Variants in ZMAT4 observed in about 807,000 individuals in gnomAD.
ZMAT4 encodes zinc finger matrin-type 4.
In ZMAT4, 17 loss-of-function variants were observed where a neutral mutation model predicts 28.7. That is an observed-to-expected ratio of 0.59 (90% CI 0.41 to 0.89). ZMAT4 has a LOEUF of 0.89. ZMAT4 is among the 40% of genes least tolerant of loss of function. The pLI is 0.00. For synonymous variants in ZMAT4, 117 were observed against 109.2 expected, an observed-to-expected ratio of 1.07 and a Z score of -0.44; for missense variants, 240 against 283.8, an observed-to-expected ratio of 0.85 and a Z score of 1.11.
intron 5 of ZMAT4, among the ~76,000 whole-genome samples, chr8:40,587,123 A>T (rs920963855): frequency 6.6e-6 from 1 of 152,032 alleles, no homozygotes; most frequent in African/African-American, 2.4e-5. Context: ...AGAAAAAAAA[A>T]AAAGGAAAAA....
chr8:40,837,635 C>T (rs1816544219), intron 1 of ZMAT4, among the ~76,000 whole-genome samples: 1 of 152,226 alleles, frequency 6.6e-6, no homozygotes, highest in African/African-American at 2.4e-5. Context: ...AATCTCTTGT[C>T]TCTCCAGCTC....
At chr8:40,833,124 C>T (rs1414863475) in intron 1 of ZMAT4, among the ~76,000 whole-genome samples, 2 of 152,192 alleles carry the variant, frequency 1.3e-5, no homozygotes, top group Non-Finnish European at 2.9e-5. Context: ...CCTGCCAGTG[C>T]AGGAGCCTCA....
chr8:40,646,588 G>T (rs561407498), intron 5 of ZMAT4, among the ~76,000 whole-genome samples: 1 of 151,970 alleles, frequency 6.6e-6, no homozygotes, highest in Admixed American at 6.6e-5. Flanking sequence ...ATTTATTGTT[G>T]TCAATTTAAT....
At chr8:40,650,795 C>A (rs1807604059) in intron 5 of ZMAT4, among the ~76,000 whole-genome samples, 1 of 149,824 alleles carries the variant, frequency 6.7e-6, no homozygotes, top group Non-Finnish European at 1.5e-5. Flanking sequence ...TAAATGTAAT[C>A]CAGCATATAA....
chr8:40,597,341 C>A (rs941672113), intron 5 of ZMAT4, among the ~76,000 whole-genome samples: 1 of 152,132 alleles, frequency 6.6e-6, no homozygotes, highest in African/African-American at 2.4e-5. Context: ...TGACAATTGT[C>A]TAGTGGAGGT....
intron 1 of ZMAT4, among the ~76,000 whole-genome samples, chr8:40,853,292 C>T (rs1817178821): frequency 6.6e-6 from 1 of 152,166 alleles, no homozygotes; most frequent in Non-Finnish European, 1.5e-5. Flanking sequence ...CGCAGTGGCT[C>T]ACGCCTGTAA....
intron 2 of ZMAT4, among the ~76,000 whole-genome samples, chr8:40,823,544 AG>A (rs1815907907): frequency 6.6e-6 from 1 of 152,172 alleles, no homozygotes; most frequent in Non-Finnish European, 1.5e-5. Flanking sequence ...CTGTAGTCCC[AG>A]CTACTGGGGA....
In ZMAT4 at chr8:40,825,709, T is replaced by C. The variant is rs191275058; in HGVS notation, c.-4-29A>G. 2.6e-6 allele frequency: 4 copies of C among 1,509,994 alleles called. No individual in the cohort carries two copies. In the African/African-American group the frequency reaches 5.5e-5, roughly 21 times the overall value. 93.5% of individuals were successfully genotyped at this position (1,509,994 alleles called of 1,614,324 possible). A position where few individuals can be genotyped will look rare whatever the true frequency, so the allele number is the denominator to read the frequency against. On this transcript the variant is annotated intron_variant, in intron 1 of 6. Transcript: ENST00000297737. ...CAAGAGAATCAACAGAAAAGAAAAA[T>C]GAGTCCACTGCTTTGATGTTTATGC...
At chr8:40,789,168 G>C (rs1447575105) in intron 2 of ZMAT4, among the ~76,000 whole-genome samples, 1 of 152,104 alleles carries the variant, frequency 6.6e-6, no homozygotes, top group African/African-American at 2.4e-5. Context: ...AAAAAAAAGG[G>C]TGTGAGAAAC....
intron 5 of ZMAT4, among the ~76,000 whole-genome samples, chr8:40,593,881 G>A (rs4737151): frequency 0.16 from 24,360 of 152,066 alleles, 2,858 homozygotes; most frequent in East Asian, 0.57. Context: ...CCTGCTTGGA[G>A]ACACATCGCT....
At chr8:40,885,813 C>A (rs974601152) in intron 1 of ZMAT4, among the ~76,000 whole-genome samples, 2 of 152,214 alleles carry the variant, frequency 1.3e-5, no homozygotes, top group African/African-American at 4.8e-5. Flanking sequence ...TCCCTCGCTG[C>A]CTTCAGGTCT....
rs374349478 is a variant in ZMAT4 at position 40,896,894 on chromosome 8, C to T, written c.-5+789G>A. On this transcript the variant is annotated intron_variant, in intron 1 of 6. Coordinates refer to ENST00000297737, the MANE Select transcript of ZMAT4 (RefSeq NM_024645.3). Reference sequence around the variant, plus strand: ...CCAGAGCTGCGGGGATGCTCCGGGCCAGGCACCCCTTCTGGGGACAAGGGT... The same window carrying T: ...CCAGAGCTGCGGGGATGCTCCGGGCTAGGCACCCCTTCTGGGGACAAGGGT... Among the ~76,000 whole-genome samples the T allele has an allele frequency of 4.4e-4, 67 of 152,288 alleles. No homozygotes were observed. The East Asian group carries it at 0.012, about 26-fold the overall frequency.
chr8:40,570,486 A>T (rs1804060060), intron 6 of ZMAT4, among the ~76,000 whole-genome samples: 1 of 152,090 alleles, frequency 6.6e-6, no homozygotes, highest in Non-Finnish European at 1.5e-5. Context: ...ATTGCTTGAG[A>T]CAAGGAGTTT....
At chr8:40,674,629 A>C in intron 5 of ZMAT4, 75 bp downstream of exon 5, 1 of 1,206,118 alleles carries the variant, frequency 8.3e-7, no homozygotes, top group Non-Finnish European at 1.2e-6. Context: ...AAGAAGAATC[A>C]TTCCGATTTG....
intron 6 of ZMAT4, among the ~76,000 whole-genome samples, chr8:40,546,509 T>A (rs1208360110): frequency 6.6e-6 from 1 of 152,214 alleles, no homozygotes; most frequent in Admixed American, 6.5e-5. Flanking sequence ...ACAGTCACTC[T>A]GATTAAAATT....
intron 6 of ZMAT4, among the ~76,000 whole-genome samples, chr8:40,546,388 A>G (rs1045809242): frequency 1.3e-5 from 2 of 152,168 alleles, no homozygotes; most frequent in African/African-American, 2.4e-5. Flanking sequence ...TCAACTCTGA[A>G]TGTGACTGAG....
At chr8:40,736,160 G>A (rs1410443477) in intron 3 of ZMAT4, among the ~76,000 whole-genome samples, 5 of 152,158 alleles carry the variant, frequency 3.3e-5, no homozygotes, top group Non-Finnish European at 7.3e-5. Context: ...TATCTCCTAG[G>A]AATCTTTCAA....
At chr8:40,896,902 C>T (rs11780139) in intron 1 of ZMAT4, among the ~76,000 whole-genome samples, 17,969 of 152,130 alleles carry the variant, frequency 0.12, 1,169 homozygotes, top group Non-Finnish European at 0.15. Flanking sequence ...GCCAGGCACC[C>T]CTTCTGGGGA....
chr8:40,684,458 A>G (rs575320475), intron 4 of ZMAT4, among the ~76,000 whole-genome samples: 8 of 152,146 alleles, frequency 5.3e-5, no homozygotes, highest in Non-Finnish European at 1.2e-4. Flanking sequence ...AGCTGGAGGC[A>G]CCCCCTGGAT....
Sources: gnomAD v4.1 joint callset for allele counts (sites outside exome capture counted in the v4.1 genomes callset) on GRCh38, gnomAD v4.1.1 for gene constraint, MANE v1.5 for transcripts, NCBI Gene and HGNC (gene_info 2026-07-23, HGNC 2026-07-21) for gene names.